Variants in MARCHF1 observed in about 807,000 individuals in gnomAD.
The protein encoded by MARCHF1 is membrane associated ring-CH-type finger 1.
Under a neutral mutation model 54.2 loss-of-function variants are expected in MARCHF1, and 40 were observed. The ratio of observed to expected loss-of-function variants is 0.74; its 90% CI spans 0.57 to 0.96. MARCHF1 has a LOEUF of 0.96. Among genes scored for constraint, MARCHF1 ranks in the 40% least tolerant of loss-of-function variants. MARCHF1 has a pLI of 0.00. For missense variants in MARCHF1, 586 were observed against 656.5 expected (o/e 0.89, Z 1.17); for synonymous variants, 236 against 236.3 (o/e 1.00, Z 0.01).
chr4:164,126,369 A>G (rs941975404), intron 1 of MARCHF1, among the ~76,000 whole-genome samples: 1 of 152,210 alleles, frequency 6.6e-6, no homozygotes, highest in Non-Finnish European at 1.5e-5. Flanking sequence ...CGAATCTTCC[A>G]GTGCTCAATA....
intron 9 of MARCHF1, among the ~76,000 whole-genome samples, chr4:163,535,753 C>CTTTTTTTTTTT (rs34118311): frequency 1.4e-5 from 2 of 144,162 alleles, no homozygotes; most frequent in Non-Finnish European, 1.5e-5. Context: ...TATAGAAGGG[C>CTTTTTTTTTTT]TTTTTTTTTT....
At chr4:163,822,103 A>C (rs1436767560) in intron 4 of MARCHF1, among the ~76,000 whole-genome samples, 2 of 151,958 alleles carry the variant, frequency 1.3e-5, no homozygotes, top group Non-Finnish European at 2.9e-5. Flanking sequence ...CCATGACCTT[A>C]ACTTTGAATT....
chr4:163,688,354 G>A (rs183299185), intron 5 of MARCHF1, among the ~76,000 whole-genome samples: 81 of 152,262 alleles, frequency 5.3e-4, no homozygotes, highest in Non-Finnish European at 9.1e-4. Context: ...GATTAAAGAT[G>A]ATTTTAAAAA....
chr4:164,228,165 C>G (rs1732311281), intron 1 of MARCHF1, among the ~76,000 whole-genome samples: 1 of 152,184 alleles, frequency 6.6e-6, no homozygotes, highest in African/African-American at 2.4e-5. Flanking sequence ...TGGGGGGAAG[C>G]ACCCCCTCAG....
chr4:164,013,811 G>A (rs1753478526), intron 2 of MARCHF1, among the ~76,000 whole-genome samples: 1 of 152,056 alleles, frequency 6.6e-6, no homozygotes, highest in South Asian at 2.1e-4. Flanking sequence ...TAGAAATAAA[G>A]ACTTTCCTAT....
At chr4:163,918,400 C>G (rs1379319064) in intron 3 of MARCHF1, among the ~76,000 whole-genome samples, 1 of 151,992 alleles carries the variant, frequency 6.6e-6, no homozygotes, top group Non-Finnish European at 1.5e-5. Flanking sequence ...TTTATGGTGT[C>G]TACTCTAAGA....
At chr4:163,872,016 A>C (rs12645459) in intron 3 of MARCHF1, among the ~76,000 whole-genome samples, 6,158 of 152,306 alleles carry the variant, frequency 0.04, 245 homozygotes, top group East Asian at 0.17. Flanking sequence ...AAATTGAAGA[A>C]GCTTAAGAGA....
intron 8 of MARCHF1, among the ~76,000 whole-genome samples, chr4:163,548,545 T>TA (rs995710661): frequency 2.2e-4 from 33 of 152,214 alleles, no homozygotes; most frequent in African/African-American, 8.0e-4. Flanking sequence ...TTGTCACTTC[T>TA]AAATCGCAGT....
intron 1 of MARCHF1, among the ~76,000 whole-genome samples, chr4:164,357,529 A>G (rs768303429): frequency 8.5e-5 from 13 of 152,304 alleles, no homozygotes; most frequent in Non-Finnish European, 1.8e-4. Flanking sequence ...GCACAGGTTC[A>G]GCGCATATGA....
intron 3 of MARCHF1, among the ~76,000 whole-genome samples, chr4:163,957,991 A>G (rs1298218746): frequency 6.6e-6 from 1 of 152,088 alleles, no homozygotes; most frequent in Non-Finnish European, 1.5e-5. Context: ...CATTTAGAAT[A>G]AAAAACAGAG....
At chr4:164,126,449 GTATT>G (rs1313364114) in intron 1 of MARCHF1, among the ~76,000 whole-genome samples, 2 of 152,156 alleles carry the variant, frequency 1.3e-5, no homozygotes, top group East Asian at 3.8e-4. Flanking sequence ...TCACTTTATG[GTATT>G]TAGTTAAAAC....
chr4:163,853,972 A>G, intron 4 of MARCHF1, 49 bp downstream of exon 4: 6 of 1,506,278 alleles, frequency 4.0e-6, no homozygotes, highest in Non-Finnish European at 5.3e-6. Context: ...TTTCTTTAGC[A>G]TTCTATTTAC....
chr4:163,845,393 C>T lies in MARCHF1; in HGVS notation c.111+8628G>A, dbSNP rs1024022445. ...AAACATAAAAACATTCTCACAAAAC[C>T]AAAGACAAAGAAGAAACCTTTGGCA... On this transcript the variant is annotated intron_variant, in intron 4 of 9. Coordinates refer to ENST00000514618, the MANE Select transcript of MARCHF1 (RefSeq NM_001394959.1). Among the ~76,000 whole-genome samples, 17 of 150,822 alleles carry T rather than the reference C, an allele frequency of 1.1e-4. 1 individual carries two copies. In the Admixed American group the frequency reaches 1.1e-3, roughly 10 times the overall value.
chr4:163,937,593 T>C (rs973979372), intron 3 of MARCHF1, among the ~76,000 whole-genome samples: 1 of 152,036 alleles, frequency 6.6e-6, no homozygotes, highest in Admixed American at 6.6e-5. Context: ...ATCTTTGCAG[T>C]TGGACTTGGA....
At position 164,291,796 on chromosome 4, in the gene MARCHF1, C is replaced by A. The variant is rs58431508; in HGVS notation, c.-323+92074G>T. On this transcript the variant is annotated intron_variant, in intron 1 of 9. Transcript: ENST00000514618. ...AATGTGGTATTATAATCTTATGGGACCACCCCTGAATATGGAGTTGGTTGT... is the reference window on the plus strand; with the variant it reads ...AATGTGGTATTATAATCTTATGGGAACACCCCTGAATATGGAGTTGGTTGT... Among the ~76,000 whole-genome samples, 909 of 152,066 alleles carry A rather than the reference C, an allele frequency of 6.0e-3. 12 individuals are homozygous for A. Among genetic ancestry groups the A allele is most frequent in the African/African-American group, 0.021 (874 of 41,526 alleles).
chr4:163,877,133 C>T (rs1750306710), intron 3 of MARCHF1, among the ~76,000 whole-genome samples: 1 of 152,126 alleles, frequency 6.6e-6, no homozygotes, highest in Non-Finnish European at 1.5e-5. Context: ...CAGAACTGTA[C>T]TGCATAAATG....
intron 4 of MARCHF1, among the ~76,000 whole-genome samples, chr4:163,708,183 T>C (rs1745005652): frequency 6.6e-6 from 1 of 151,670 alleles, no homozygotes; most frequent in Admixed American, 6.6e-5. Context: ...GAAGACCAGC[T>C]GGTGGATTCT....
chr4:163,867,044 G>A (rs1021443524), intron 3 of MARCHF1, among the ~76,000 whole-genome samples: 2 of 151,722 alleles, frequency 1.3e-5, no homozygotes, highest in Non-Finnish European at 2.9e-5. Flanking sequence ...CAGTCTCCAG[G>A]CCCCCTAAAT....
intron 4 of MARCHF1, among the ~76,000 whole-genome samples, chr4:163,788,895 A>G (rs772962292): frequency 2.6e-5 from 4 of 152,058 alleles, no homozygotes; most frequent in Non-Finnish European, 4.4e-5. Flanking sequence ...TAGAAGCATC[A>G]CATGATTAAT....
Sources: allele counts gnomAD v4.1 joint callset (sites outside exome capture counted in the v4.1 genomes callset), GRCh38; gene constraint gnomAD v4.1.1; transcripts MANE v1.5; gene names NCBI Gene and HGNC (gene_info 2026-07-23, HGNC 2026-07-21).